GRID2: variants seen among roughly 807,000 people sequenced by gnomAD.
GRID2 encodes glutamate ionotropic receptor delta type subunit 2, also known as glutamate receptor ionotropic, delta-2.
In GRID2, 33 loss-of-function variants were observed where a neutral mutation model predicts 114.8. The ratio of observed to expected loss-of-function variants is 0.29; its 90% CI spans 0.22 to 0.38. The LOEUF (loss-of-function observed/expected upper bound fraction) is 0.38, where lower values mean the gene tolerates loss of function less well. Among genes scored for constraint, GRID2 ranks in the 10% least tolerant of loss-of-function variants. The pLI is 1.00. For missense variants in GRID2, 1,184 were observed against 1,257.7 expected (o/e 0.94, Z 0.89); for synonymous variants, 505 against 449.9 (o/e 1.12, Z -1.55).
chr4:92,772,047 C>G (rs1445943992), intron 2 of GRID2, among the ~76,000 whole-genome samples: 1 of 152,130 alleles, frequency 6.6e-6, no homozygotes, highest in Non-Finnish European at 1.5e-5. Context: ...GCTAATGCTG[C>G]AGAAAAAAAT....
intron 2 of GRID2, among the ~76,000 whole-genome samples, chr4:92,668,885 C>G (rs12646114): frequency 0.061 from 9,244 of 151,824 alleles, 339 homozygotes; most frequent in East Asian, 0.16. Context: ...TAAGTATAAA[C>G]AGATAGACAT....
At chr4:93,110,662 A>G (rs1732676280) in intron 3 of GRID2, 86 bp from the exon 4 acceptor site, 1 of 877,506 alleles carries the variant, frequency 1.1e-6, no homozygotes, top group Non-Finnish European at 1.9e-6. Flanking sequence ...TGGAACAATA[A>G]TCTATTCTGA....
At chr4:92,399,075 C>G (rs1730650660) in intron 1 of GRID2, among the ~76,000 whole-genome samples, 1 of 152,162 alleles carries the variant, frequency 6.6e-6, no homozygotes, top group South Asian at 2.1e-4. Context: ...TTTCTGTAAG[C>G]CATCCACATT....
At chr4:92,884,522 C>T (rs1190671909) in intron 2 of GRID2, 1 of 154,184 alleles carries the variant, frequency 6.5e-6, no homozygotes, top group Non-Finnish European at 1.4e-5. Flanking sequence ...ATGCCTTCCT[C>T]TTGAGGCTTA....
chr4:93,331,137 A>G (rs1431510493), intron 8 of GRID2, among the ~76,000 whole-genome samples: 2 of 77,612 alleles, frequency 2.6e-5, no homozygotes, highest in Non-Finnish European at 4.9e-5. Context: ...CCCCCCCCCC[A>G]TTTCACTCAT....
intron 4 of GRID2, among the ~76,000 whole-genome samples, chr4:93,162,439 G>T (rs1579157780): frequency 6.6e-6 from 1 of 151,952 alleles, no homozygotes; most frequent in African/African-American, 2.4e-5. Flanking sequence ...ATTTAAATAA[G>T]GATAGGCCTG....
At chr4:92,485,344 ATATAGTGTGT>A (rs1333259151) in intron 1 of GRID2, among the ~76,000 whole-genome samples, 1 of 60,032 alleles carries the variant, frequency 1.7e-5, no homozygotes, top group African/African-American at 5.5e-5. Flanking sequence ...ATATATATAT[ATATAGTGTGT>A]GTGTGTGTGT....
chr4:92,443,658 G>A (rs754297388), intron 1 of GRID2, among the ~76,000 whole-genome samples: 4 of 152,116 alleles, frequency 2.6e-5, no homozygotes, highest in Non-Finnish European at 5.9e-5. Flanking sequence ...AAGGAGAAGG[G>A]GTTGGAGTAC....
intron 2 of GRID2, among the ~76,000 whole-genome samples, chr4:92,840,494 C>T (rs1560629675): frequency 6.6e-6 from 1 of 151,772 alleles, no homozygotes; most frequent in Non-Finnish European, 1.5e-5. Context: ...GGAGTTTATT[C>T]AGTCCTCAAT....
chr4:92,903,996 G>A (rs1469434458), intron 2 of GRID2, among the ~76,000 whole-genome samples: 1 of 151,748 alleles, frequency 6.6e-6, no homozygotes. Flanking sequence ...TCATCACTAC[G>A]ATTCAACTCA....
chr4:93,631,039 C>T (rs998077057), intron 14 of GRID2, among the ~76,000 whole-genome samples: 3 of 152,204 alleles, frequency 2.0e-5, no homozygotes, highest in African/African-American at 7.2e-5. Context: ...GAAACTGAGA[C>T]ATCATGAAGT....
At chr4:93,201,111 C>A (rs1016347187) in intron 4 of GRID2, among the ~76,000 whole-genome samples, 27 of 152,114 alleles carry the variant, frequency 1.8e-4, no homozygotes, top group African/African-American at 4.8e-4. Flanking sequence ...ATTGCACTCA[C>A]AAGCACAAAG....
intron 1 of GRID2, among the ~76,000 whole-genome samples, chr4:92,449,701 AT>A (rs1560638601): frequency 7.0e-5 from 10 of 142,674 alleles, no homozygotes; most frequent in African/African-American, 1.8e-4. Context: ...ATATATATAT[AT>A]ATATATATAA....
intron 2 of GRID2, among the ~76,000 whole-genome samples, chr4:92,714,540 G>A (rs552299311): frequency 6.6e-6 from 1 of 152,324 alleles, no homozygotes; most frequent in South Asian, 2.1e-4. Context: ...CCCTAGTAGA[G>A]GTTCTCTATG....
intron 8 of GRID2, among the ~76,000 whole-genome samples, chr4:93,395,148 A>C (rs1248845311): frequency 6.6e-6 from 1 of 152,032 alleles, no homozygotes. Flanking sequence ...TTCAAATAAA[A>C]GCAGTTGCCC....
At chr4:92,461,819 A>G (rs1300300996) in intron 1 of GRID2, among the ~76,000 whole-genome samples, 1 of 151,944 alleles carries the variant, frequency 6.6e-6, no homozygotes, top group Non-Finnish European at 1.5e-5. Context: ...CAAGGAGAGC[A>G]TTTTCTGCTC....
intron 2 of GRID2, among the ~76,000 whole-genome samples, chr4:92,733,407 C>T (rs1736426754): frequency 6.6e-6 from 1 of 152,034 alleles, no homozygotes; most frequent in Non-Finnish European, 1.5e-5. Flanking sequence ...CCAGGAAATG[C>T]TGTCTATTCT....
chr4:92,939,398 T>A (rs1321734136), intron 2 of GRID2, among the ~76,000 whole-genome samples: 2 of 147,530 alleles, frequency 1.4e-5, no homozygotes, highest in Non-Finnish European at 3.0e-5. Context: ...CTTCACCCAC[T>A]TTTTGATGGG....
chr4:92,323,770 A>G (rs1187262427), intron 1 of GRID2, among the ~76,000 whole-genome samples: 4 of 151,970 alleles, frequency 2.6e-5, no homozygotes, highest in Non-Finnish European at 5.9e-5. Flanking sequence ...AAATTACATG[A>G]TCATAGGCTC....
Sources: gnomAD v4.1 joint callset for allele counts (sites outside exome capture counted in the v4.1 genomes callset) on GRCh38, gnomAD v4.1.1 for gene constraint, MANE v1.5 for transcripts, NCBI Gene and HGNC (gene_info 2026-07-23, HGNC 2026-07-21) for gene names.